Variants in USP45 observed in about 807,000 individuals in gnomAD.
USP45 encodes the protein ubiquitin carboxyl-terminal hydrolase 45.
A neutral mutation model predicts 95.8 loss-of-function variants in USP45; 89 were observed. The observed-to-expected ratio is 0.93, with a 90% CI of 0.78 to 1.11. The LOEUF (loss-of-function observed/expected upper bound fraction) is 1.11. Ranked by LOEUF, USP45 falls within the 50% of genes least tolerant of loss-of-function variation. USP45 has a pLI of 0.00. For missense variants in USP45, 898 were observed against 942.5 expected (o/e 0.95, Z 0.62); for synonymous variants, 281 against 316.2 (o/e 0.89, Z 1.18).
chr6:99,445,933 AG>A lies in USP45; in HGVS notation c.1838del (p.Thr613IlefsTer21). 6.2e-7 allele frequency: 1 copy of A among 1,614,124 alleles called. No homozygotes were observed. Among genetic ancestry groups the A allele is most frequent in the Non-Finnish European group, 8.5e-7 (1 of 1,180,022 alleles). ...AFQTLSQSYI[T>X]TSKECSIQSC... is the part of the protein sequence containing the mutation. Reference sequence around the variant, plus strand: ...ACTGAATTGAACATTCTTTAGAAGTAGTTATATAGCTCTGAGAAAGGGTCTG... The same window carrying A: ...ACTGAATTGAACATTCTTTAGAAGTATTATATAGCTCTGAGAAAGGGTCTG... On this transcript the variant is annotated frameshift_variant, in exon 14 of 18. Coordinates refer to ENST00000500704, the MANE Select transcript of USP45 (RefSeq NM_001346022.3). LOFTEE classifies it high-confidence loss of function.
Position 99,468,599 on chromosome 6 carries a change from A to G in USP45, c.953T>C (p.Leu318Pro), listed in dbSNP as rs1788556240. Reference protein sequence around the residue: ...EETKRIQASILKAFNNPTTKT... With the variant: ...EETKRIQASIPKAFNNPTTKT... ...AGTAGTTGGGTTGTTAAATGCTTTT[A>G]GAATGCTAGCTTGTATTCGCTGTAA... Residue 318 changes from leucine to proline, a missense_variant, in exon 10 of 18, where the codon CTA becomes CCA. Leu to Pro is a moderately conservative substitution (Grantham distance 98). Transcript: ENST00000500704. 1 of 1,607,538 alleles carries G rather than the reference A, an allele frequency of 6.2e-7. No homozygotes were observed. Among genetic ancestry groups the G allele is most frequent in the Non-Finnish European group, 8.5e-7 (1 of 1,175,852 alleles).
intron 7 of USP45, among the ~76,000 whole-genome samples, chr6:99,484,004 G>GTTTTTATT (rs1793139726): frequency 1.1e-5 from 1 of 91,464 alleles, no homozygotes; most frequent in East Asian, 3.8e-4. Flanking sequence ...ATTTTCCATA[G>GTTTTTATT]TTTTTTTTTT....
intron 13 of USP45, among the ~76,000 whole-genome samples, chr6:99,463,628 A>G (rs947509895): frequency 6.6e-6 from 1 of 151,986 alleles, no homozygotes. Flanking sequence ...CCTGACCAAC[A>G]TGGTGAAACC....
intron 4 of USP45, among the ~76,000 whole-genome samples, chr6:99,507,197 A>G (rs1163854677): frequency 6.6e-6 from 1 of 152,186 alleles, no homozygotes; most frequent in Non-Finnish European, 1.5e-5. Context: ...ACAGAGTGAG[A>G]CTCTGTCTCA....
At chr6:99,435,902 C>A in intron 17 of USP45, 56 bp from the exon 18 acceptor site, 1 of 1,506,640 alleles carries the variant, frequency 6.6e-7, no homozygotes. Context: ...GGTTCTTACT[C>A]TAAATTACAA....
intron 13 of USP45, among the ~76,000 whole-genome samples, chr6:99,463,151 A>G (rs908474033): frequency 6.6e-5 from 10 of 152,154 alleles, no homozygotes; most frequent in Non-Finnish European, 1.5e-4. Context: ...TCCCTAGTGA[A>G]ATAATAGGTC....
intron 13 of USP45, chr6:99,461,259 C>T (rs1786400948): frequency 1.0e-6 from 1 of 985,184 alleles, no homozygotes; most frequent in African/African-American, 1.7e-5. Context: ...ATTATTCAAT[C>T]AGCATGATGG....
intron 5 of USP45, chr6:99,501,860 TA>T: frequency 8.2e-7 from 1 of 1,224,344 alleles, no homozygotes; most frequent in South Asian, 1.5e-5. Flanking sequence ...AAGTACCCTC[TA>T]AATCCTCGGA....
At position 99,435,592 on chromosome 6, in the gene USP45, C is replaced by G. The variant is rs1371982424; in HGVS notation, c.*124G>C. Reference sequence around the variant, plus strand: ...GGTTCACCAAAATGGTGAAAAAGTTCAGGACCATTTGAGGAACATGCTATT... The same window carrying G: ...GGTTCACCAAAATGGTGAAAAAGTTGAGGACCATTTGAGGAACATGCTATT... On this transcript the variant is annotated 3_prime_UTR_variant, in exon 18 of 18. Coordinates refer to ENST00000500704, the MANE Select transcript of USP45 (RefSeq NM_001346022.3). The G allele has an allele frequency of 4.3e-5, 33 of 769,112 alleles. No individual in the cohort carries two copies. Among genetic ancestry groups the G allele is most frequent in the Non-Finnish European group, 5.5e-5 (29 of 526,774 alleles). 47.6% of individuals were successfully genotyped at this position (769,112 alleles called of 1,614,324 possible).
At chr6:99,466,931 A>G (rs1436198227) in intron 10 of USP45, among the ~76,000 whole-genome samples, 168 bp from the exon 11 acceptor site, 1 of 152,192 alleles carries the variant, frequency 6.6e-6, no homozygotes, top group South Asian at 2.1e-4. Context: ...CTCCTTTACA[A>G]TTTTGTAGCA....
At chr6:99,435,920 CAT>C (rs1413853770) in intron 17 of USP45, 74 bp from the exon 18 acceptor site, 74 of 1,433,068 alleles carry the variant, frequency 5.2e-5, no homozygotes, top group Admixed American at 7.1e-5. Flanking sequence ...CAAACAATAA[CAT>C]ATTCATTACA....
chr6:99,488,879 A>C, intron 5 of USP45, 59 bp from the exon 6 acceptor site: 4 of 1,235,986 alleles, frequency 3.2e-6, no homozygotes, highest in Non-Finnish European at 4.3e-6. Context: ...GTCACTTAAC[A>C]TAATTTATAT....
Position 99,437,408 on chromosome 6 carries a change from CAA to C in USP45, c.2161-11_2161-10del, listed in dbSNP as rs1342132579. On this transcript the variant is annotated splice_polypyrimidine_tract_variant and intron_variant, in intron 16 of 17. Coordinates refer to ENST00000500704, the MANE Select transcript of USP45 (RefSeq NM_001346022.3). ...TCTCCCACACTTGCATTCTTTTAAACAAAGAAAAAAACCCAAATTAGTAATAT... is the reference window on the plus strand; with the variant it reads ...TCTCCCACACTTGCATTCTTTTAAACAGAAAAAAACCCAAATTAGTAATAT... 1.3e-6 allele frequency: 2 copies of C among 1,568,312 alleles called. No homozygotes were observed. The highest frequency in any genetic ancestry group is 1.7e-6 in the Non-Finnish European group (2 of 1,165,382).
At chr6:99,515,706 C>T (rs956531610), upstream of USP45, among the ~76,000 whole-genome samples, 1 of 151,994 alleles carries the variant, frequency 6.6e-6, no homozygotes, top group Non-Finnish European at 1.5e-5. Flanking sequence ...GGCTTAAGTC[C>T]CACTTGTTGC....
At chr6:99,459,315 C>T (rs1222070114) in intron 13 of USP45, among the ~76,000 whole-genome samples, 1 of 152,138 alleles carries the variant, frequency 6.6e-6, no homozygotes, top group African/African-American at 2.4e-5. Flanking sequence ...AAGGCACAAT[C>T]TTATTCTTTT....
At chr6:99,439,456 C>A (rs1438234554) in intron 16 of USP45, among the ~76,000 whole-genome samples, 1 of 152,184 alleles carries the variant, frequency 6.6e-6, no homozygotes, top group Non-Finnish European at 1.5e-5. Flanking sequence ...AAACAGTTCA[C>A]AAGGAACAAT....
intron 13 of USP45, among the ~76,000 whole-genome samples, chr6:99,455,811 G>T (rs1784911491): frequency 9.4e-6 from 1 of 106,176 alleles, no homozygotes; most frequent in South Asian, 3.6e-4. Flanking sequence ...TCACTCTTAT[G>T]TGAGAGCTAA....
At chr6:99,508,207 A>G (rs1583473523) in intron 3 of USP45, among the ~76,000 whole-genome samples, 1 of 148,010 alleles carries the variant, frequency 6.8e-6, no homozygotes, top group Admixed American at 6.8e-5. Flanking sequence ...CATTAAAAAA[A>G]TTCCTTTATT....
rs762844321 is a variant in USP45, at chr6:99,443,673, T to C, written c.1976-11A>G. On this transcript the variant is annotated splice_polypyrimidine_tract_variant and intron_variant, in intron 14 of 17. Transcript: ENST00000500704. Reference sequence around the variant, plus strand: ...CTTCTACTTTCTTTTCTACATAAAATACAATAAATTTATTTATAAAATTCC... The same window carrying C: ...CTTCTACTTTCTTTTCTACATAAAACACAATAAATTTATTTATAAAATTCC... 6.7e-6 allele frequency: 10 copies of C among 1,487,248 alleles called. No homozygotes were observed. Among genetic ancestry groups the C allele is most frequent in the Non-Finnish European group, 9.1e-6 (10 of 1,102,526 alleles). The allele number at this position is 1,487,248 out of a possible 1,614,324, so 92.1% of individuals were successfully genotyped here.
Sources: gnomAD v4.1 joint callset for allele counts (sites outside exome capture counted in the v4.1 genomes callset) on GRCh38, gnomAD v4.1.1 for gene constraint, MANE v1.5 for transcripts, NCBI Gene and HGNC (gene_info 2026-07-23, HGNC 2026-07-21) for gene names.